ATXN7L1: variants seen among roughly 807,000 people sequenced by gnomAD.
The protein encoded by ATXN7L1 is ataxin-7-like protein 1.
In ATXN7L1, 15 loss-of-function variants were observed where a neutral mutation model predicts 70.8. The ratio of observed to expected loss-of-function variants is 0.21; its 90% CI spans 0.14 to 0.33. ATXN7L1 has a LOEUF of 0.33. Among genes scored for constraint, ATXN7L1 ranks in the 10% least tolerant of loss-of-function variants. ATXN7L1 has a pLI of 1.00. For synonymous variants in ATXN7L1, 440 were observed against 445.1 expected, an observed-to-expected ratio of 0.99 and a Z score of 0.14; for missense variants, 975 against 1,097.1, an observed-to-expected ratio of 0.89 and a Z score of 1.57.
intron 2 of ATXN7L1, among the ~76,000 whole-genome samples, chr7:105,802,901 T>A (rs534701422): frequency 6.6e-6 from 1 of 152,214 alleles, no homozygotes; most frequent in Non-Finnish European, 1.5e-5. Context: ...CCTGTCTCTA[T>A]GGGGTTTGTG....
At chr7:105,651,720 C>T (rs1327579083) in intron 4 of ATXN7L1, among the ~76,000 whole-genome samples, 1 of 152,180 alleles carries the variant, frequency 6.6e-6, no homozygotes, top group Non-Finnish European at 1.5e-5. Flanking sequence ...ACTGCTTAAG[C>T]CTGGACTAGT....
chr7:105,620,785 G>A (rs1476710449), intron 8 of ATXN7L1, among the ~76,000 whole-genome samples: 4 of 151,730 alleles, frequency 2.6e-5, no homozygotes, highest in Admixed American at 6.6e-5. Context: ...ATCCCAGCTC[G>A]TAGGGAGGCT....
intron 3 of ATXN7L1, among the ~76,000 whole-genome samples, chr7:105,688,774 G>A (rs1013689454): frequency 2.0e-5 from 3 of 152,236 alleles, no homozygotes; most frequent in African/African-American, 4.8e-5. Flanking sequence ...TGCCTGCCCT[G>A]AAGTCCTGAA....
chr7:105,700,978 G>A (rs1001654767), intron 3 of ATXN7L1, among the ~76,000 whole-genome samples: 6 of 152,232 alleles, frequency 3.9e-5, no homozygotes, highest in South Asian at 2.1e-4. Flanking sequence ...TACTGCGGCC[G>A]GCCCCTGTGC....
chr7:105,782,541 C>T (rs1291753665), intron 3 of ATXN7L1, among the ~76,000 whole-genome samples: 1 of 152,204 alleles, frequency 6.6e-6, no homozygotes, highest in Non-Finnish European at 1.5e-5. Flanking sequence ...AGTGGTTGCA[C>T]CTGCTTTCTA....
intron 8 of ATXN7L1, among the ~76,000 whole-genome samples, chr7:105,623,543 C>T (rs1795236426): frequency 6.6e-6 from 1 of 152,194 alleles, no homozygotes; most frequent in South Asian, 2.1e-4. Context: ...ACCTGAAATG[C>T]TTCCTCTTTC....
At chr7:105,632,009 T>C (rs1796665086) in intron 7 of ATXN7L1, among the ~76,000 whole-genome samples, 1 of 152,242 alleles carries the variant, frequency 6.6e-6, no homozygotes, top group Non-Finnish European at 1.5e-5. Context: ...TTCCAGATCT[T>C]GCCTTTGGGA....
intron 3 of ATXN7L1, among the ~76,000 whole-genome samples, chr7:105,752,407 C>T (rs924303996): frequency 6.6e-6 from 1 of 152,192 alleles, no homozygotes; most frequent in Non-Finnish European, 1.5e-5. Context: ...TCCTTGGAAT[C>T]TCCCAAGAAT....
chr7:105,727,773 T>TATATATATATAC (rs1173626080), intron 3 of ATXN7L1, among the ~76,000 whole-genome samples: 57 of 124,214 alleles, frequency 4.6e-4, no homozygotes, highest in Non-Finnish European at 8.2e-4. Context: ...TATATATATA[T>TATATATATATAC]ATATACACAC....
intron 2 of ATXN7L1, among the ~76,000 whole-genome samples, chr7:105,842,774 T>C (rs1271939494): frequency 6.6e-6 from 1 of 152,240 alleles, no homozygotes; most frequent in Non-Finnish European, 1.5e-5. Flanking sequence ...GCCGAACTGC[T>C]TTCCACAGTG....
intron 3 of ATXN7L1, among the ~76,000 whole-genome samples, chr7:105,767,415 C>T (rs1047030711): frequency 6.6e-6 from 1 of 152,178 alleles, no homozygotes; most frequent in African/African-American, 2.4e-5. Context: ...TCCCGCCATG[C>T]GTCCTCTCTG....
chr7:105,727,154 T>C (rs971565128), intron 3 of ATXN7L1, among the ~76,000 whole-genome samples: 1 of 152,150 alleles, frequency 6.6e-6, no homozygotes, highest in African/African-American at 2.4e-5. Flanking sequence ...AAAACTGAAA[T>C]GTGTATATGA....
At chr7:105,860,348 T>A (rs1816437681) in intron 2 of ATXN7L1, among the ~76,000 whole-genome samples, 1 of 152,000 alleles carries the variant, frequency 6.6e-6, no homozygotes, top group African/African-American at 2.4e-5. Context: ...CTCAAAGATG[T>A]CTGTGACTCT....
At chr7:105,784,420 A>G (rs143513885) in intron 3 of ATXN7L1, among the ~76,000 whole-genome samples, 2 of 151,074 alleles carry the variant, frequency 1.3e-5, no homozygotes, top group East Asian at 3.9e-4. Flanking sequence ...TGAAGTCCCC[A>G]TAACTGACTG....
intron 2 of ATXN7L1, among the ~76,000 whole-genome samples, chr7:105,793,352 G>T (rs142805922): frequency 3.4e-3 from 523 of 152,306 alleles, no homozygotes; most frequent in African/African-American, 0.012. Context: ...CCTACACACT[G>T]CTTGGCCTTG....
intron 3 of ATXN7L1, among the ~76,000 whole-genome samples, chr7:105,724,803 A>C (rs1397639694): frequency 2.3e-5 from 3 of 130,938 alleles, no homozygotes; most frequent in Non-Finnish European, 5.0e-5. Flanking sequence ...CTGGTTCTAA[A>C]CCTTCTCTTA....
At chr7:105,820,158 G>A (rs1346386518) in intron 2 of ATXN7L1, 1 of 262,342 alleles carries the variant, frequency 3.8e-6, no homozygotes, top group Non-Finnish European at 6.8e-6. Context: ...AAAAAAAAGC[G>A]TGGGCCTCAT....
At chr7:105,708,942 G>A (rs1793521682) in intron 3 of ATXN7L1, among the ~76,000 whole-genome samples, 1 of 152,226 alleles carries the variant, frequency 6.6e-6, no homozygotes, top group South Asian at 2.1e-4. Flanking sequence ...TAGTGCCCTA[G>A]AGCAGTGGTT....
chr7:105,688,792 T>C (rs538486314), intron 3 of ATXN7L1, among the ~76,000 whole-genome samples: 3 of 152,326 alleles, frequency 2.0e-5, no homozygotes, highest in Non-Finnish European at 4.4e-5. Context: ...GAAGCTGAAG[T>C]AGTCTACAAG....
Sources: allele counts gnomAD v4.1 joint callset (sites outside exome capture counted in the v4.1 genomes callset), GRCh38; gene constraint gnomAD v4.1.1; transcripts MANE v1.5; gene names NCBI Gene and HGNC (gene_info 2026-07-23, HGNC 2026-07-21).